SLC24A2: variants seen among roughly 807,000 people sequenced by gnomAD.
SLC24A2 encodes the protein solute carrier family 24 member 2.
Under a neutral mutation model 62.0 loss-of-function variants are expected in SLC24A2, and 36 were observed. That is an observed-to-expected ratio of 0.58 (90% CI 0.44 to 0.77). SLC24A2 has a LOEUF of 0.77. Among genes scored for constraint, SLC24A2 ranks in the 30% least tolerant of loss-of-function variants. SLC24A2 has a pLI of 0.00. For missense variants in SLC24A2, 846 were observed against 817.9 expected (o/e 1.03, Z -0.42); for synonymous variants, 358 against 294.0 (o/e 1.22, Z -2.23).
At position 19,616,156 on chromosome 9, in the gene SLC24A2, T is replaced by A. The variant is rs568221879; in HGVS notation, c.1078+3428A>T. Among the ~76,000 whole-genome samples the A allele has an allele frequency of 2.0e-5, 3 of 152,172 alleles. No homozygotes were observed. In the South Asian group the frequency reaches 6.2e-4, roughly 32 times the overall value. On this transcript the variant is annotated intron_variant, in intron 4 of 10. Transcript: ENST00000341998. ...AGGGTTGATGAAGGAAGAAGACATTTTTTTTCACCTTAATCTTTGGAATAT... is the reference window on the plus strand; with the variant it reads ...AGGGTTGATGAAGGAAGAAGACATTATTTTTCACCTTAATCTTTGGAATAT...
chr9:19,762,217 C>T (rs1177593373), intron 2 of SLC24A2, among the ~76,000 whole-genome samples: 2 of 152,132 alleles, frequency 1.3e-5, no homozygotes, highest in Non-Finnish European at 2.9e-5. Flanking sequence ...AGCCCTTTGT[C>T]AGATTAATAG....
At chr9:20,196,318 G>A in the SLC24A2 span, among the ~76,000 whole-genome samples, 1 of 152,210 alleles carries the variant, frequency 6.6e-6, no homozygotes, top group African/African-American at 2.4e-5. Context: ...ATGAAGTGAA[G>A]TGAAATGCCC....
the SLC24A2 span, chr9:19,896,056 G>C: frequency 8.3e-7 from 1 of 1,198,278 alleles, no homozygotes; most frequent in African/African-American, 1.5e-5. Context: ...GGGATGCCTT[G>C]CTGGACTGGA....
the SLC24A2 span, among the ~76,000 whole-genome samples, chr9:19,890,122 C>G: frequency 9.5e-4 from 144 of 152,292 alleles, no homozygotes; most frequent in African/African-American, 3.4e-3. Flanking sequence ...ATCATAATCG[C>G]CTTAAAAAAT....
At chr9:19,621,223 C>A (rs1817900971) in intron 3 of SLC24A2, among the ~76,000 whole-genome samples, 1 of 152,136 alleles carries the variant, frequency 6.6e-6, no homozygotes, top group Non-Finnish European at 1.5e-5. Context: ...TATGAGATAC[C>A]AGAAGAAATC....
At chr9:19,743,905 T>A (rs911454398) in intron 2 of SLC24A2, among the ~76,000 whole-genome samples, 1 of 152,154 alleles carries the variant, frequency 6.6e-6, no homozygotes, top group Non-Finnish European at 1.5e-5. Flanking sequence ...TCTCACTTTA[T>A]TAGCCCATGT....
chr9:20,019,312 A>T, the SLC24A2 span, among the ~76,000 whole-genome samples: 5 of 141,454 alleles, frequency 3.5e-5, no homozygotes, highest in Non-Finnish European at 7.4e-5. Context: ...AGAAAGAAAG[A>T]AAGTGAGTGA....
chr9:19,737,533 A>G (rs1338827126), intron 2 of SLC24A2, among the ~76,000 whole-genome samples: 2 of 152,152 alleles, frequency 1.3e-5, no homozygotes, highest in African/African-American at 4.8e-5. Context: ...TAAGATATCC[A>G]TATAATCGGT....
the SLC24A2 span, among the ~76,000 whole-genome samples, chr9:20,232,507 T>C: frequency 2.0e-5 from 3 of 152,348 alleles, no homozygotes; most frequent in Admixed American, 6.5e-5. Context: ...TTCTAGATTT[T>C]GTAGTTTATT....
chr9:19,884,810 C>A, the SLC24A2 span, among the ~76,000 whole-genome samples: 1 of 152,172 alleles, frequency 6.6e-6, no homozygotes, highest in African/African-American at 2.4e-5. Flanking sequence ...TTTTGCCCAA[C>A]AGTAGGCTAA....
the SLC24A2 span, among the ~76,000 whole-genome samples, chr9:20,110,016 C>G: frequency 6.6e-6 from 1 of 152,044 alleles, no homozygotes; most frequent in African/African-American, 2.4e-5. Flanking sequence ...TACATATATA[C>G]AGGGTTAATT....
chr9:20,058,638 G>A, the SLC24A2 span, among the ~76,000 whole-genome samples: 2 of 152,072 alleles, frequency 1.3e-5, no homozygotes, highest in African/African-American at 4.8e-5. Flanking sequence ...AATACAGGCT[G>A]CATGTAGAGA....
At chr9:19,566,261 A>G (rs916283434) in intron 7 of SLC24A2, among the ~76,000 whole-genome samples, 45 of 150,434 alleles carry the variant, frequency 3.0e-4, no homozygotes, top group African/African-American at 1.1e-3. Context: ...ACTCAAACAA[A>G]TTTACAAGAA....
chr9:20,200,613 A>C, the SLC24A2 span, among the ~76,000 whole-genome samples: 1 of 152,230 alleles, frequency 6.6e-6, no homozygotes, highest in Non-Finnish European at 1.5e-5. Context: ...ATTTTGCAAC[A>C]AAAATACAAA....
chr9:20,112,139 A>G, the SLC24A2 span, among the ~76,000 whole-genome samples: 2 of 152,202 alleles, frequency 1.3e-5, no homozygotes, highest in African/African-American at 4.8e-5. Flanking sequence ...TAAGCTATTC[A>G]TATTGATTTT....
At chr9:19,575,764 A>C (rs1230420927) in intron 6 of SLC24A2, among the ~76,000 whole-genome samples, 1 of 152,220 alleles carries the variant, frequency 6.6e-6, no homozygotes, top group Non-Finnish European at 1.5e-5. Flanking sequence ...CAGGAATCTA[A>C]TTCTTTTACT....
At chr9:19,978,529 T>C in the SLC24A2 span, among the ~76,000 whole-genome samples, 2 of 152,004 alleles carry the variant, frequency 1.3e-5, no homozygotes, top group African/African-American at 4.8e-5. Context: ...GGTAAAGGAA[T>C]GGTGTTCAAG....
At chr9:19,523,283 A>G (rs1018286832) in intron 9 of SLC24A2, among the ~76,000 whole-genome samples, 9 of 152,202 alleles carry the variant, frequency 5.9e-5, no homozygotes, top group Non-Finnish European at 1.2e-4. Context: ...GCTGGGTACA[A>G]ATCCTAGCTT....
chr9:19,751,380 CA>C (rs1024289828), intron 2 of SLC24A2, among the ~76,000 whole-genome samples: 36 of 152,098 alleles, frequency 2.4e-4, no homozygotes, highest in African/African-American at 8.5e-4. Context: ...AAATCACCTA[CA>C]AAGTAGAAGC....
Sources: gnomAD v4.1 joint callset for allele counts (sites outside exome capture counted in the v4.1 genomes callset) on GRCh38, gnomAD v4.1.1 for gene constraint, MANE v1.5 for transcripts, NCBI Gene and HGNC (gene_info 2026-07-23, HGNC 2026-07-21) for gene names.